The following POU6F2 variants were observed in gnomAD, a reference collection of about 807,000 sequenced individuals.
POU6F2 encodes the protein POU domain, class 6, transcription factor 2.
Under a neutral mutation model 71.3 loss-of-function variants are expected in POU6F2, and 31 were observed. That is an observed-to-expected ratio of 0.43 (90% CI 0.33 to 0.59). POU6F2 has a LOEUF of 0.59. POU6F2 is among the 20% of genes least tolerant of loss of function. POU6F2 has a pLI of 0.04. For synonymous variants in POU6F2, 347 were observed against 355.7 expected (o/e 0.98, Z 0.27); for missense variants, 783 against 856.8 (o/e 0.91, Z 1.07).
At chr7:39,389,860 T>C (rs1400566594) in intron 5 of POU6F2, among the ~76,000 whole-genome samples, 1 of 152,190 alleles carries the variant, frequency 6.6e-6, no homozygotes, top group Non-Finnish European at 1.5e-5. Context: ...CCTATGACTT[T>C]TAAAATAGAC....
chr7:39,115,145 G>A (rs188274541), intron 2 of POU6F2, among the ~76,000 whole-genome samples: 98 of 152,330 alleles, frequency 6.4e-4, no homozygotes, highest in Middle Eastern at 6.8e-3. Flanking sequence ...AGGAGATCCA[G>A]ATGGATGCCC....
At position 39,466,923 on chromosome 7, in the gene POU6F2, C is replaced by T. The variant is rs149968731; in HGVS notation, c.*2237C>T. Reference sequence around the variant, plus strand: ...TGATTAAAACAGATTTTGGATTCTCCTAGGACCTGCTCCAAATTCCATCAA... The same window carrying T: ...TGATTAAAACAGATTTTGGATTCTCTTAGGACCTGCTCCAAATTCCATCAA... On this transcript the variant is annotated 3_prime_UTR_variant, in exon 10 of 10. Transcript: ENST00000518318. 351 of 152,300 alleles carry T rather than the reference C, an allele frequency of 2.3e-3. 2 individuals are homozygous for T. The highest frequency in any genetic ancestry group is 8.2e-3 in the African/African-American group (339 of 41,546). The allele number at this position is 152,300 out of a possible 1,614,324, so 9.4% of individuals were successfully genotyped here. A position where few individuals can be genotyped will look rare whatever the true frequency, so the allele number is the denominator to read the frequency against.
intron 2 of POU6F2, among the ~76,000 whole-genome samples, chr7:39,202,946 AT>A (rs1168081286): frequency 6.6e-6 from 1 of 152,244 alleles, no homozygotes; most frequent in African/African-American, 2.4e-5. Flanking sequence ...TGCACAAAAA[AT>A]ATTACAAATT....
At chr7:39,326,117 G>A (rs1177068932) in intron 4 of POU6F2, among the ~76,000 whole-genome samples, 1 of 152,132 alleles carries the variant, frequency 6.6e-6, no homozygotes, top group Non-Finnish European at 1.5e-5. Context: ...CACATTAATG[G>A]AGGAAAAATA....
At chr7:39,418,993 A>C (rs202213096) in intron 6 of POU6F2, among the ~76,000 whole-genome samples, 2 of 134,098 alleles carry the variant, frequency 1.5e-5, no homozygotes, top group African/African-American at 5.4e-5. Flanking sequence ...ATGTGTATAT[A>C]TGTGTATATA....
At chr7:39,159,580 A>G (rs1029689817) in intron 2 of POU6F2, among the ~76,000 whole-genome samples, 6 of 152,216 alleles carry the variant, frequency 3.9e-5, no homozygotes, top group African/African-American at 1.4e-4. Context: ...CTCAATCCAG[A>G]TAATTATTGC....
chr7:39,260,847 A>G (rs779564107), intron 4 of POU6F2, among the ~76,000 whole-genome samples: 2 of 151,810 alleles, frequency 1.3e-5, no homozygotes, highest in Non-Finnish European at 2.9e-5. Context: ...CACACAATGC[A>G]CACATAGGTA....
At chr7:39,069,010 CAT>C (rs1790819444) in intron 1 of POU6F2, among the ~76,000 whole-genome samples, 1 of 152,146 alleles carries the variant, frequency 6.6e-6, no homozygotes, top group Non-Finnish European at 1.5e-5. Flanking sequence ...GCGGATCACA[CAT>C]AAAAATTGTG....
At chr7:39,211,930 C>T (rs1794149808) in intron 4 of POU6F2, among the ~76,000 whole-genome samples, 1 of 152,216 alleles carries the variant, frequency 6.6e-6, no homozygotes, top group African/African-American at 2.4e-5. Flanking sequence ...CATTTTGTCT[C>T]CTCTAAGGTC....
chr7:39,156,811 C>T (rs1187743442), intron 2 of POU6F2, among the ~76,000 whole-genome samples: 11 of 152,172 alleles, frequency 7.2e-5, no homozygotes, highest in Admixed American at 5.2e-4. Context: ...CCCTGCTTAC[C>T]TCTTCAGGAA....
intron 2 of POU6F2, among the ~76,000 whole-genome samples, chr7:39,148,081 A>C (rs1792658045): frequency 6.6e-6 from 1 of 152,232 alleles, no homozygotes; most frequent in South Asian, 2.1e-4. Context: ...TCTCAGGACA[A>C]GAGAAACCTT....
intron 4 of POU6F2, among the ~76,000 whole-genome samples, chr7:39,269,443 C>T (rs1214115215): frequency 1.3e-5 from 2 of 152,234 alleles, no homozygotes; most frequent in African/African-American, 4.8e-5. Context: ...AGCCCCCCAA[C>T]ACCCCCACCA....
chr7:39,073,301 T>G (rs1450093867), intron 1 of POU6F2, among the ~76,000 whole-genome samples: 6 of 151,806 alleles, frequency 4.0e-5, no homozygotes, highest in Non-Finnish European at 4.4e-5. Flanking sequence ...GTTTATAGTT[T>G]GAATTGGAAA....
At chr7:38,999,361 CAGGGTT>C (rs1788833329) in intron 1 of POU6F2, among the ~76,000 whole-genome samples, 1 of 152,118 alleles carries the variant, frequency 6.6e-6, no homozygotes, top group African/African-American at 2.4e-5. Flanking sequence ...TATGAATGCA[CAGGGTT>C]TTCATAAAGG....
At chr7:39,139,999 T>G (rs1249956325) in intron 2 of POU6F2, among the ~76,000 whole-genome samples, 1 of 152,198 alleles carries the variant, frequency 6.6e-6, no homozygotes, top group Admixed American at 6.5e-5. Flanking sequence ...GTCAGGAGAC[T>G]AATAGCTTCA....
chr7:39,099,134 T>C (rs1713123144), intron 2 of POU6F2, among the ~76,000 whole-genome samples: 1 of 152,182 alleles, frequency 6.6e-6, no homozygotes, highest in Non-Finnish European at 1.5e-5. Flanking sequence ...AGTACATAAG[T>C]GAGGTGGTGA....
At chr7:39,409,590 G>A (rs1028273231) in intron 6 of POU6F2, among the ~76,000 whole-genome samples, 4 of 152,276 alleles carry the variant, frequency 2.6e-5, no homozygotes, top group East Asian at 3.9e-4. Flanking sequence ...AGGCAGCCAC[G>A]AGACATACCC....
chr7:39,130,529 A>G (rs894872750), intron 2 of POU6F2, among the ~76,000 whole-genome samples: 7 of 152,184 alleles, frequency 4.6e-5, no homozygotes, highest in African/African-American at 1.4e-4. Flanking sequence ...TTATCTCCCT[A>G]CACAAAAGGA....
At chr7:39,341,180 AT>A (rs1785910232) in intron 5 of POU6F2, among the ~76,000 whole-genome samples, 1 of 152,174 alleles carries the variant, frequency 6.6e-6, no homozygotes, top group Non-Finnish European at 1.5e-5. Flanking sequence ...GAGACTTGGT[AT>A]TTTAGAACTT....
Sources: gnomAD v4.1 joint callset for allele counts (sites outside exome capture counted in the v4.1 genomes callset) on GRCh38, gnomAD v4.1.1 for gene constraint, MANE v1.5 for transcripts, NCBI Gene and HGNC (gene_info 2026-07-23, HGNC 2026-07-21) for gene names.